The following NPAP1 variants were observed in gnomAD, a reference collection of about 807,000 sequenced individuals.
The protein encoded by NPAP1 is nuclear pore associated protein 1, also known as nuclear pore-associated protein 1.
For missense variants in NPAP1, 1,483 were observed against 1,454.5 expected (o/e 1.02, Z -0.32); for synonymous variants, 616 against 581.4 (o/e 1.06, Z -0.86).
rs769765951 is a variant in NPAP1, at chr15:24,677,639, C to A, written c.1772C>A (p.Ser591Tyr). 1.2e-6 allele frequency: 2 copies of A among 1,614,082 alleles called. No homozygotes were observed. The highest frequency in any genetic ancestry group is 1.1e-5 in the South Asian group (1 of 91,092). The change falls in exon 1 of 1, where the codon TCT becomes TAT. Residue 591 changes from serine to tyrosine, a missense_variant. Transcript: ENST00000329468. ...TAPSQVVIFT[S>Y]SLSSRVSSLP... ...CCATCTCAGGTTGTTATTTTCACAT[C>A]TTCCCTAAGCTCCAGAGTGAGCTCT...
Position 24,676,447 on chromosome 15 carries a change from A to G in NPAP1, c.580A>G (p.Thr194Ala). Residue 194 changes from threonine to alanine, a missense_variant, in exon 1 of 1, where the codon ACC (threonine) becomes GCC (alanine). Physicochemically the swap from Thr to Ala is moderately conservative, Grantham distance 58. Coordinates refer to ENST00000329468, the MANE Select transcript of NPAP1 (RefSeq NM_018958.3). Reference protein sequence around the residue: ...EASSTSRSQGTQGDVASFRCS... With the variant: ...EASSTSRSQGAQGDVASFRCS... ...ATCGTCCACATCCAGGTCCCAGGGC[A>G]CCCAGGGAGACGTGGCCTCCTTCAG... 1 of 1,612,960 alleles carries G rather than the reference A, an allele frequency of 6.2e-7. No homozygotes were observed. The highest frequency in any genetic ancestry group is 1.1e-5 in the South Asian group (1 of 90,974).
rs767250231 is a variant in NPAP1, at chr15:24,676,009, C to G, written c.142C>G (p.Arg48Gly). The change falls in exon 1 of 1, where the codon CGC becomes GGC. Residue 48 changes from arginine (R) to glycine (G), a missense_variant. Arg to Gly is a moderately radical substitution (Grantham distance 125, BLOSUM62 -2). Coordinates refer to ENST00000329468, the MANE Select transcript of NPAP1 (RefSeq NM_018958.3). ...CTCTGTACCCACCCCGCGCCCTTTC[C>G]GCGGCCTGTTCCGCCGGAACGCCCG... ...AHSVPTPRPF[R>G]GLFRRNARRR... The G allele has an allele frequency of 6.2e-7, 1 of 1,600,152 alleles. No homozygotes were observed. Among genetic ancestry groups the G allele is most frequent in the Non-Finnish European group, 8.5e-7 (1 of 1,174,574 alleles).
At position 24,676,594 on chromosome 15, in the gene NPAP1, C is replaced by A. The variant is rs1184331090; in HGVS notation, c.727C>A (p.His243Asn). ...CLEGPAMPSTHSQAGCARHLG... is the reference protein window; with the variant it reads ...CLEGPAMPSTNSQAGCARHLG... ...GGAAGGCCCTGCCATGCCCAGCACA[C>A]ACAGCCAGGCCGGATGTGCCCGGCA... Residue 243 changes from histidine (H) to asparagine (N), a missense_variant, in exon 1 of 1, where the codon CAC (histidine) becomes AAC (asparagine). Physicochemically the swap from His to Asn is moderately conservative, Grantham distance 68. Transcript: ENST00000329468. 1 of 1,614,074 alleles carries A rather than the reference C, an allele frequency of 6.2e-7. No homozygotes were observed.
At position 24,679,323 on chromosome 15, in the gene NPAP1, T is replaced by C. The variant is rs2141314614; in HGVS notation, c.3456T>C (p.Cys1152=). The C allele has an allele frequency of 6.2e-7, 1 of 1,612,114 alleles. No individual in the cohort carries two copies. Reference sequence around the variant, plus strand: ...AAACATATGTTAGGAGACATGTCTGTTTCCAACTTCCGTAAGAGCACCTGT... The same window carrying C: ...AAACATATGTTAGGAGACATGTCTGCTTCCAACTTCCGTAAGAGCACCTGT... ...GQETYVRRHV[C]FQLP is the part of the protein sequence containing the mutation. Residue 1152 remains cysteine, a synonymous_variant, in exon 1 of 1, where the codon TGT becomes TGC. Transcript: ENST00000329468.
chr15:24,679,749 A>G lies in NPAP1; in HGVS notation c.*411A>G, dbSNP rs2049005198. ...CCTGGGGCCCACCTGGACAAAGCACAAACCATGCAATGAGGGACAGCAACA... is the reference window on the plus strand; with the variant it reads ...CCTGGGGCCCACCTGGACAAAGCACGAACCATGCAATGAGGGACAGCAACA... On this transcript the variant is annotated 3_prime_UTR_variant, in exon 1 of 1. Coordinates refer to ENST00000329468, the MANE Select transcript of NPAP1 (RefSeq NM_018958.3). 1 of 203,050 alleles carries G rather than the reference A, an allele frequency of 4.9e-6. No homozygotes were observed. The highest frequency in any genetic ancestry group is 5.3e-5 in the Admixed American group (1 of 18,826). 12.6% of individuals were successfully genotyped at this position (203,050 alleles called of 1,614,324 possible).
In NPAP1 at chr15:24,676,646, C is replaced by G. The variant is rs1389631819; in HGVS notation, c.779C>G (p.Thr260Arg). 6.2e-7 allele frequency: 1 copy of G among 1,613,940 alleles called. No individual in the cohort carries two copies. The highest frequency in any genetic ancestry group is 8.5e-7 in the Non-Finnish European group (1 of 1,180,040). Residue 260 changes from threonine to arginine, a missense_variant, in exon 1 of 1, where the codon ACA becomes AGA. Physicochemically the swap from Thr to Arg is moderately conservative, Grantham distance 71. Transcript: ENST00000329468. ...RHLGKPDPDA[T>R]APPEPAVGCS... Reference sequence around the variant, plus strand: ...CTTGGAAAGCCTGATCCGGATGCAACAGCGCCCCCTGAGCCAGCCGTTGGC... The same window carrying G: ...CTTGGAAAGCCTGATCCGGATGCAAGAGCGCCCCCTGAGCCAGCCGTTGGC...
In NPAP1 at chr15:24,677,016, G is replaced by A. The variant is rs1285664485; in HGVS notation, c.1149G>A (p.Glu383=). The part of the protein sequence containing the change: ...PEYKRNSRIL[E]DKTETMTNSS... The stretch of plus-strand genomic sequence containing the variant: ...ATAAAAGGAATAGCAGAATCTTGGA[G>A]GATAAAACAGAGACCATGACAAACA... Residue 383 remains glutamate, a synonymous_variant, in exon 1 of 1, where the codon GAG becomes GAA. Coordinates refer to ENST00000329468, the MANE Select transcript of NPAP1 (RefSeq NM_018958.3). 7 of 1,613,924 alleles carry A rather than the reference G, an allele frequency of 4.3e-6. No homozygotes were observed. Among genetic ancestry groups the A allele is most frequent in the East Asian group, 2.2e-5 (1 of 44,848 alleles).
In NPAP1 at chr15:24,679,590, TA is replaced by T; in HGVS notation, c.*253del. On this transcript the variant is annotated 3_prime_UTR_variant, in exon 1 of 1. Coordinates refer to ENST00000329468, the MANE Select transcript of NPAP1 (RefSeq NM_018958.3). ...CAGTGAATGGCAACATATCTTTAAT[TA>T]GAGGCCCTTGTGTATCCACCTACCA... is the stretch of plus-strand genomic sequence containing the variant. 2.0e-6 allele frequency: 1 copy of T among 501,684 alleles called. No homozygotes were observed. 31.1% of individuals were successfully genotyped at this position (501,684 alleles called of 1,614,324 possible).
chr15:24,676,455 A>G lies in NPAP1; in HGVS notation c.588A>G (p.Gly196=), dbSNP rs2141308052. ...CATCCAGGTCCCAGGGCACCCAGGG[A>G]GACGTGGCCTCCTTCAGATGCAGCC... ...SSTSRSQGTQ[G]DVASFRCSPG... The change falls in exon 1 of 1, where the codon GGA becomes GGG. Residue 196 remains glycine, a synonymous_variant. Transcript: ENST00000329468. 1 of 1,613,572 alleles carries G rather than the reference A, an allele frequency of 6.2e-7. No individual in the cohort carries two copies. Among genetic ancestry groups the G allele is most frequent in the Admixed American group, 1.7e-5 (1 of 59,926 alleles).
Position 24,680,597 on chromosome 15 carries a change from A to T in NPAP1, c.*1259A>T, listed in dbSNP as rs114765444. 3.9e-3 allele frequency: 632 copies of T among 163,552 alleles called. 3 individuals are homozygous for T. The highest frequency in any genetic ancestry group is 0.014 in the African/African-American group (570 of 40,958). The allele number at this position is 163,552 out of a possible 1,614,324, so 10.1% of individuals were successfully genotyped here. A position where few individuals can be genotyped will look rare whatever the true frequency, so the allele number is the denominator to read the frequency against. ...CAAAACCACAGACAGAGAGAGAGAG[A>T]GTGTGTGTGTTTGTGTGTGTGTGTG... On this transcript the variant is annotated 3_prime_UTR_variant, in exon 1 of 1. Transcript: ENST00000329468.
Position 24,676,605 on chromosome 15 carries a change from C to A in NPAP1, c.738C>A (p.Ala246=), listed in dbSNP as rs753676478. Residue 246 remains alanine, a synonymous_variant, in exon 1 of 1, where the codon GCC becomes GCA. Coordinates refer to ENST00000329468, the MANE Select transcript of NPAP1 (RefSeq NM_018958.3). ...GPAMPSTHSQ[A]GCARHLGKPD... ...CCATGCCCAGCACACACAGCCAGGC[C>A]GGATGTGCCCGGCATCTTGGAAAGC... 1 of 1,613,972 alleles carries A rather than the reference C, an allele frequency of 6.2e-7. No individual in the cohort carries two copies. The highest frequency in any genetic ancestry group is 1.1e-5 in the South Asian group (1 of 91,074).
chr15:24,678,280 A>C lies in NPAP1; in HGVS notation c.2413A>C (p.Thr805Pro). ...LPIMVPPDTS[T>P]LVSSASAASL... ...TATCATGGTTCCTCCAGACACCTCC[A>C]CTTTAGTGAGCAGTGCCTCTGCAGC... Residue 805 changes from threonine to proline, a missense_variant, in exon 1 of 1, where the codon ACT becomes CCT. Coordinates refer to ENST00000329468, the MANE Select transcript of NPAP1 (RefSeq NM_018958.3). The C allele has an allele frequency of 1.2e-6, 2 of 1,613,680 alleles. No individual in the cohort carries two copies. The highest frequency in any genetic ancestry group is 1.7e-6 in the Non-Finnish European group (2 of 1,179,850).
In NPAP1 at chr15:24,678,397, AAGG is replaced by A. The variant is rs759488960; in HGVS notation, c.2536_2538del (p.Glu846del). The A allele has an allele frequency of 2.3e-5, 37 of 1,613,440 alleles. 2 individuals carry two copies. In the East Asian group the frequency reaches 3.6e-4, roughly 16 times the overall value. On this transcript the variant is annotated inframe_deletion, in exon 1 of 1. Transcript: ENST00000329468. ...CTTGCAGTCTACCTTTGTCTCCAGG[AAGG>A]AGGAGTACATCCGATTTTATATGGG...
At position 24,676,777 on chromosome 15, in the gene NPAP1, G is replaced by C. The variant is rs771112323; in HGVS notation, c.910G>C (p.Asp304His). The change falls in exon 1 of 1, where the codon GAT becomes CAT. Residue 304 changes from aspartate to histidine, a missense_variant. By Grantham distance (81) the Asp-to-His change is moderately conservative. Coordinates refer to ENST00000329468, the MANE Select transcript of NPAP1 (RefSeq NM_018958.3). ...GCTGATGTCCGGAAAGAGGATGCCT[G>C]ATGAGAAGCCTTTCTGTATTCCTCC... ...IPLMSGKRMP[D>H]EKPFCIPPRS... 6.2e-7 allele frequency: 1 copy of C among 1,613,660 alleles called. No individual in the cohort carries two copies. Among genetic ancestry groups the C allele is most frequent in the Non-Finnish European group, 8.5e-7 (1 of 1,180,008 alleles).
chr15:24,678,718 C>T lies in NPAP1; in HGVS notation c.2851C>T (p.Pro951Ser), dbSNP rs375207590. The change falls in exon 1 of 1, where the codon CCA becomes TCA. Residue 951 changes from proline to serine, a missense_variant. By Grantham distance (74) the Pro-to-Ser change is moderately conservative. Transcript: ENST00000329468. ...IPPGFAELTSPYTALGTPVNA... is the reference protein window; with the variant it reads ...IPPGFAELTSSYTALGTPVNA... ...ACCAGGTTTTGCAGAGTTAACATCA[C>T]CATATACTGCATTGGGCACACCTGT... is the stretch of plus-strand genomic sequence containing the variant. The T allele has an allele frequency of 2.5e-6, 4 of 1,614,064 alleles. No homozygotes were observed. In the African/African-American group the frequency reaches 5.3e-5, roughly 22 times the overall value.
At chr15:24,676,543 C>T in the NPAP1 span, 2 of 1,614,078 alleles carry the variant, frequency 1.2e-6, no homozygotes, top group South Asian at 1.1e-5. Flanking sequence ...TGAGAAGGCC[C>T]AGGCGTCTCC....
chr15:24,677,685 T>C lies in NPAP1; in HGVS notation c.1818T>C (p.His606=), dbSNP rs148519074. 10 of 1,614,052 alleles carry C rather than the reference T, an allele frequency of 6.2e-6. No homozygotes were observed. In the South Asian group the frequency reaches 8.8e-5, roughly 14 times the overall value. ...RVSSLPNSQI[H]CSAEQRHPGK... is the part of the protein sequence containing the mutation. Reference sequence around the variant, plus strand: ...GCTCTCTCCCAAATTCCCAAATACATTGCAGTGCAGAGCAGAGGCACCCGG... The same window carrying C: ...GCTCTCTCCCAAATTCCCAAATACACTGCAGTGCAGAGCAGAGGCACCCGG... The change falls in exon 1 of 1, where the codon CAT becomes CAC. Residue 606 remains histidine (H), a synonymous_variant. Coordinates refer to ENST00000329468, the MANE Select transcript of NPAP1 (RefSeq NM_018958.3).
chr15:24,676,999 A>T lies in NPAP1; in HGVS notation c.1132A>T (p.Asn378Tyr), dbSNP rs541629491. The change falls in exon 1 of 1, where the codon AAT becomes TAT. Residue 378 changes from asparagine to tyrosine, a missense_variant. Physicochemically the swap from Asn to Tyr is moderately radical, Grantham distance 143 (BLOSUM62 -2). Coordinates refer to ENST00000329468, the MANE Select transcript of NPAP1 (RefSeq NM_018958.3). ...TLEKSPEYKR[N>Y]SRILEDKTET... ...GGAGAAGAGCCCTGAGTATAAAAGGAATAGCAGAATCTTGGAGGATAAAAC... is the reference window on the plus strand; with the variant it reads ...GGAGAAGAGCCCTGAGTATAAAAGGTATAGCAGAATCTTGGAGGATAAAAC... 31 of 1,613,986 alleles carry T rather than the reference A, an allele frequency of 1.9e-5. No homozygotes were observed. The African/African-American group carries it at 3.7e-4, about 19-fold the overall frequency.
chr15:24,677,296 T>A lies in NPAP1; in HGVS notation c.1429T>A (p.Ser477Thr), dbSNP rs1441752306. The A allele has an allele frequency of 2.5e-6, 4 of 1,614,126 alleles. No individual in the cohort carries two copies. Among genetic ancestry groups the A allele is most frequent in the Non-Finnish European group, 3.4e-6 (4 of 1,180,018 alleles). ...CCTTGTTCCCATTTTGGGTGATCAGTCTAATGAGAAAGGAGGCTCTTATAA... is the reference window on the plus strand; with the variant it reads ...CCTTGTTCCCATTTTGGGTGATCAGACTAATGAGAAAGGAGGCTCTTATAA... ...ADLVPILGDQ[S>T]NEKGGSYNSV... The change falls in exon 1 of 1, where the codon TCT (serine) becomes ACT (threonine). Residue 477 changes from serine to threonine, a missense_variant. Physicochemically the swap from Ser to Thr is moderately conservative, Grantham distance 58 (BLOSUM62 1). Transcript: ENST00000329468.
Sources: allele counts gnomAD v4.1 joint callset, GRCh38; gene constraint gnomAD v4.1.1; transcripts MANE v1.5; gene names NCBI Gene and HGNC (gene_info 2026-07-23, HGNC 2026-07-21).